TESC: variants seen among roughly 807,000 people sequenced by gnomAD.
The protein encoded by TESC is tescalcin.
Under a neutral mutation model 31.0 loss-of-function variants are expected in TESC, and 19 were observed. The observed-to-expected ratio is 0.61, with a 90% CI of 0.43 to 0.90. The LOEUF (loss-of-function observed/expected upper bound fraction) is 0.90, where lower values mean the gene tolerates loss of function less well. TESC is among the 40% of genes least tolerant of loss of function. TESC has a pLI of 0.00. For synonymous variants in TESC, 109 were observed against 114.8 expected, an observed-to-expected ratio of 0.95 and a Z score of 0.32; for missense variants, 248 against 303.8, an observed-to-expected ratio of 0.82 and a Z score of 1.36.
intron 1 of TESC, among the ~76,000 whole-genome samples, chr12:117,086,623 A>AG (rs1330647567): frequency 6.8e-6 from 1 of 147,798 alleles, no homozygotes; most frequent in South Asian, 2.2e-4. Flanking sequence ...TCTTTTGTAG[A>AG]GACAGGGTCT....
At chr12:117,089,656 T>G (rs560269569) in intron 1 of TESC, among the ~76,000 whole-genome samples, 3 of 152,150 alleles carry the variant, frequency 2.0e-5, no homozygotes, top group African/African-American at 7.2e-5. Context: ...AAGGTTGTAA[T>G]AGCTGAAGAG....
intron 1 of TESC, among the ~76,000 whole-genome samples, chr12:117,082,163 T>A (rs12320443): frequency 6.6e-6 from 1 of 151,836 alleles, no homozygotes; most frequent in Non-Finnish European, 1.5e-5. Context: ...GAGCCAAGAT[T>A]GCACTCCAGC....
At chr12:117,048,649 C>T in intron 4 of TESC, 1 of 466,096 alleles carries the variant, frequency 2.1e-6, no homozygotes. Context: ...GTGATCTTAC[C>T]CAGCCCTCAG....
chr12:117,058,710 T>C (rs1246727609), intron 2 of TESC, among the ~76,000 whole-genome samples: 1 of 145,336 alleles, frequency 6.9e-6, no homozygotes, highest in Non-Finnish European at 1.5e-5. Context: ...GCCACTACAC[T>C]GCAGCCTGGG....
intron 2 of TESC, among the ~76,000 whole-genome samples, chr12:117,070,863 C>G (rs1954961267): frequency 6.6e-6 from 1 of 152,082 alleles, no homozygotes; most frequent in Non-Finnish European, 1.5e-5. Context: ...CCCAGCTACT[C>G]AGGAGGCTGA....
At chr12:117,074,772 A>T (rs895099722) in intron 2 of TESC, among the ~76,000 whole-genome samples, 1 of 152,226 alleles carries the variant, frequency 6.6e-6, no homozygotes, top group African/African-American at 2.4e-5. Context: ...CACGATAGTT[A>T]TAATTTATAA....
rs111233157 is a variant in TESC, at chr12:117,040,445, G to A, written c.568-1235C>T. Among the ~76,000 whole-genome samples, 459 of 152,334 alleles carry A rather than the reference G, an allele frequency of 3.0e-3. 4 individuals are homozygous for A. The highest frequency in any genetic ancestry group is 0.011 in the African/African-American group (437 of 41,572). On this transcript the variant is annotated intron_variant, in intron 7 of 7. Transcript: ENST00000335209. The stretch of plus-strand genomic sequence containing the variant: ...CTTGGGGAGCACTAGGGGCCTGGCA[G>A]AGGCCAGCCTTTAGGGGAAGGAAGT...
intron 1 of TESC, among the ~76,000 whole-genome samples, chr12:117,075,913 A>ATGTG (rs1172157385): frequency 0.016 from 849 of 51,790 alleles, 23 homozygotes; most frequent in Non-Finnish European, 0.02. Flanking sequence ...ATATATATAT[A>ATGTG]TGTGTGTGTG....
intron 1 of TESC, among the ~76,000 whole-genome samples, chr12:117,093,102 A>T (rs1386145836): frequency 6.6e-6 from 1 of 151,998 alleles, no homozygotes; most frequent in African/African-American, 2.4e-5. Context: ...TGGCTGGTCC[A>T]CCCTGGCCCA....
At chr12:117,054,635 C>T (rs1954695544) in intron 3 of TESC, among the ~76,000 whole-genome samples, 1 of 152,210 alleles carries the variant, frequency 6.6e-6, no homozygotes, top group African/African-American at 2.4e-5. Flanking sequence ...GGACCCCTCT[C>T]CCCGTGAGCA....
chr12:117,044,630 G>A (rs145963616), intron 6 of TESC, among the ~76,000 whole-genome samples: 2 of 152,332 alleles, frequency 1.3e-5, no homozygotes, highest in Non-Finnish European at 2.9e-5. Flanking sequence ...CGGCGCGACG[G>A]CTCATGCCTG....
chr12:117,090,709 A>T (rs181438147), intron 1 of TESC, among the ~76,000 whole-genome samples: 1 of 152,192 alleles, frequency 6.6e-6, no homozygotes, highest in Non-Finnish European at 1.5e-5. Context: ...CCATAGTGGG[A>T]CTCTGGCTGA....
At chr12:117,045,672 G>A (rs1011261448) in intron 6 of TESC, among the ~76,000 whole-genome samples, 3 of 152,250 alleles carry the variant, frequency 2.0e-5, no homozygotes, top group African/African-American at 7.2e-5. Flanking sequence ...GGACAGGCTT[G>A]GGGCACAGAG....
chr12:117,077,809 G>C (rs1016664342), intron 1 of TESC, among the ~76,000 whole-genome samples: 2 of 152,172 alleles, frequency 1.3e-5, no homozygotes, highest in Non-Finnish European at 2.9e-5. Flanking sequence ...TGAATGGAGT[G>C]CAAAGGGGAG....
rs1476042860 is a variant in TESC at position 117,046,577 on chromosome 12, G to A, written c.501C>T (p.Ser167=). 19 of 1,550,602 alleles carry A rather than the reference G, an allele frequency of 1.2e-5. No individual in the cohort carries two copies. The highest frequency in any genetic ancestry group is 7.8e-5 in the Admixed American group (4 of 50,962). ...CGCTCACCATCTGCCCCATGCACAC[G>A]CTGGCCGCCTCCATCATGGCCCCGT... ...IADGAMMEAA[S]VCMGQMEPDQ... Residue 167 remains serine (S), a synonymous_variant, in exon 6 of 8, where the codon AGC becomes AGT. Coordinates refer to ENST00000335209, the MANE Select transcript of TESC (RefSeq NM_017899.4).
At position 117,094,319 on chromosome 12, in the gene TESC, T is replaced by C. The variant is rs549010403; in HGVS notation, c.58+4906A>G. ...AGCTGCTGCTCAGGCATATTTTTGG[T>C]GGGGCTGGGGAGATGCTGGGAGGGT... On this transcript the variant is annotated intron_variant, in intron 1 of 7. Transcript: ENST00000335209. Among the ~76,000 whole-genome samples, 28 of 152,208 alleles carry C rather than the reference T, an allele frequency of 1.8e-4. No individual in the cohort carries two copies. The East Asian group carries it at 3.9e-3, about 21-fold the overall frequency.
At chr12:117,055,014 AGGCTCGAGCTCT>A (rs1000835179) in intron 3 of TESC, among the ~76,000 whole-genome samples, 17 of 152,136 alleles carry the variant, frequency 1.1e-4, no homozygotes, top group Non-Finnish European at 2.1e-4. Flanking sequence ...CTGGACACTG[AGGCTCGAGCTCT>A]GGCCTGTGCC....
At chr12:117,079,935 A>C (rs1955123565) in intron 1 of TESC, among the ~76,000 whole-genome samples, 1 of 152,204 alleles carries the variant, frequency 6.6e-6, no homozygotes. Flanking sequence ...ATGCATAATC[A>C]TAACAACAAG....
At chr12:117,041,656 A>C (rs1430013676) in intron 7 of TESC, among the ~76,000 whole-genome samples, 1 of 152,224 alleles carries the variant, frequency 6.6e-6, no homozygotes, top group Admixed American at 6.5e-5. Context: ...ACTTCTGAGA[A>C]GCGGCAGTGG....
Sources: allele counts gnomAD v4.1 joint callset (sites outside exome capture counted in the v4.1 genomes callset), GRCh38; gene constraint gnomAD v4.1.1; transcripts MANE v1.5; gene names NCBI Gene and HGNC (gene_info 2026-07-23, HGNC 2026-07-21).